The following ARHGAP26 variants were observed in gnomAD, a reference collection of about 807,000 sequenced individuals.
The protein encoded by ARHGAP26 is rho GTPase-activating protein 26.
A neutral mutation model predicts 104.8 loss-of-function variants in ARHGAP26; 38 were observed. The observed-to-expected ratio is 0.36, with a 90% CI of 0.28 to 0.48. The LOEUF (loss-of-function observed/expected upper bound fraction) is 0.48. Among genes scored for constraint, ARHGAP26 ranks in the 20% least tolerant of loss-of-function variants. ARHGAP26 has a pLI of 0.99. For missense variants in ARHGAP26, 704 were observed against 947.9 expected (o/e 0.74, Z 3.38); for synonymous variants, 341 against 340.0 (o/e 1.00, Z -0.03).
intron 6 of ARHGAP26, among the ~76,000 whole-genome samples, chr5:142,899,642 G>C (rs1487933752): frequency 6.6e-6 from 1 of 152,038 alleles, no homozygotes; most frequent in African/African-American, 2.4e-5. Context: ...AGTCCCGTGG[G>C]CTTCATCCTG....
intron 14 of ARHGAP26, among the ~76,000 whole-genome samples, chr5:143,050,458 C>T (rs1191401226): frequency 6.6e-6 from 1 of 152,132 alleles, no homozygotes; most frequent in Non-Finnish European, 1.5e-5. Flanking sequence ...CATGCTTCAC[C>T]CACTTACCGC....
chr5:142,907,957 A>G (rs1173393565), intron 9 of ARHGAP26, among the ~76,000 whole-genome samples, 153 bp downstream of exon 9: 2 of 152,140 alleles, frequency 1.3e-5, no homozygotes, highest in Non-Finnish European at 2.9e-5. Flanking sequence ...GTAGTTCAGG[A>G]AGCCTAAGAG....
At chr5:143,156,343 G>A (rs1304165185) in intron 20 of ARHGAP26, among the ~76,000 whole-genome samples, 1 of 152,172 alleles carries the variant, frequency 6.6e-6, no homozygotes, top group African/African-American at 2.4e-5. Flanking sequence ...TTAGGGATCT[G>A]GAAAGCCAGG....
intron 12 of ARHGAP26, among the ~76,000 whole-genome samples, chr5:143,015,428 G>A (rs527859844): frequency 2.6e-5 from 4 of 152,330 alleles, no homozygotes; most frequent in Non-Finnish European, 5.9e-5. Context: ...GGGTCTTCTG[G>A]ATAATACGAC....
At chr5:143,049,746 G>A (rs1361291866) in intron 14 of ARHGAP26, among the ~76,000 whole-genome samples, 1 of 152,094 alleles carries the variant, frequency 6.6e-6, no homozygotes, top group Non-Finnish European at 1.5e-5. Flanking sequence ...CCAACTTTCT[G>A]GTATTCTTAA....
At chr5:142,846,455 G>A (rs1232005953) in intron 1 of ARHGAP26, among the ~76,000 whole-genome samples, 5 of 152,166 alleles carry the variant, frequency 3.3e-5, no homozygotes, top group African/African-American at 1.2e-4. Context: ...TCTTTTTGAG[G>A]ATTAGTCTGT....
At position 143,014,703 on chromosome 5, in the gene ARHGAP26, G is replaced by GT. The variant is rs201100305; in HGVS notation, c.1144+587_1144+588insT. On this transcript the variant is annotated intron_variant, in intron 12 of 22. Transcript: ENST00000645722. ...CCCTGCTGCTGCCTGTAAGCACTCT[G>GT]GTTAATCATGATTTCCAAGGGTACC... Among the ~76,000 whole-genome samples the GT allele has an allele frequency of 1.2e-4, 19 of 152,240 alleles. No homozygotes were observed. The East Asian group carries it at 3.5e-3, about 28-fold the overall frequency.
At chr5:143,031,506 G>A (rs755356008) in intron 12 of ARHGAP26, among the ~76,000 whole-genome samples, 7 of 151,922 alleles carry the variant, frequency 4.6e-5, no homozygotes, top group Non-Finnish European at 7.4e-5. Context: ...TGGAATGGGA[G>A]GTAAGAAGTG....
chr5:143,096,203 G>C (rs956682976), intron 17 of ARHGAP26, among the ~76,000 whole-genome samples: 4 of 152,134 alleles, frequency 2.6e-5, no homozygotes, highest in Admixed American at 6.5e-5. Flanking sequence ...GCGTTATGCA[G>C]ATCTTCCAAT....
intron 4 of ARHGAP26, among the ~76,000 whole-genome samples, chr5:142,884,208 A>T (rs1215490244): frequency 1.3e-5 from 2 of 152,184 alleles, no homozygotes; most frequent in African/African-American, 2.4e-5. Context: ...TGCCTGTGAC[A>T]ATCTGTCTCA....
At chr5:142,864,908 C>T (rs1463430061) in intron 1 of ARHGAP26, among the ~76,000 whole-genome samples, 1 of 152,238 alleles carries the variant, frequency 6.6e-6, no homozygotes, top group African/African-American at 2.4e-5. Flanking sequence ...GCGCGTCATA[C>T]GCCTCTGAAT....
intron 17 of ARHGAP26, among the ~76,000 whole-genome samples, chr5:143,111,201 T>G (rs992260630): frequency 6.6e-6 from 1 of 152,178 alleles, no homozygotes; most frequent in African/African-American, 2.4e-5. Flanking sequence ...CTTGTAAAAA[T>G]AATCAGGTTC....
chr5:142,907,764 T>C lies in ARHGAP26; in HGVS notation c.893T>C (p.Ile298Thr). The change falls in exon 9 of 23, where the codon ATC becomes ACC. Residue 298 changes from isoleucine to threonine, a missense_variant. This residue lies in a region of ARHGAP26 where 287 missense variants were observed against 438.8 expected (regional missense o/e 0.65). Coordinates refer to ENST00000645722, the MANE Select transcript of ARHGAP26 (RefSeq NM_001135608.3). ...YCTYQRDSKQ[I>T]TMVPFDQKSG... Reference sequence around the variant, plus strand: ...ACATATCAACGGGATTCCAAACAAATCACCATGGTACCATTTGACCAAAAG... The same window carrying C: ...ACATATCAACGGGATTCCAAACAAACCACCATGGTACCATTTGACCAAAAG... 1 of 1,612,648 alleles carries C rather than the reference T, an allele frequency of 6.2e-7. No individual in the cohort carries two copies. Among genetic ancestry groups the C allele is most frequent in the Non-Finnish European group, 8.5e-7 (1 of 1,179,034 alleles).
intron 20 of ARHGAP26, chr5:143,202,511 T>C (rs1359732001): frequency 6.6e-6 from 1 of 152,124 alleles, no homozygotes; most frequent in East Asian, 1.9e-4. Flanking sequence ...CCAAAGTAAT[T>C]GATAGATTCA....
intron 1 of ARHGAP26, among the ~76,000 whole-genome samples, chr5:142,834,909 C>CT (rs1384001326): frequency 6.6e-6 from 1 of 152,222 alleles, no homozygotes; most frequent in Non-Finnish European, 1.5e-5. Flanking sequence ...TCTACCATAT[C>CT]ACCCAAAGAG....
intron 6 of ARHGAP26, among the ~76,000 whole-genome samples, chr5:142,900,104 C>T (rs1760084325): frequency 6.6e-6 from 1 of 152,142 alleles, no homozygotes; most frequent in African/African-American, 2.4e-5. Flanking sequence ...GCAGGGAGAG[C>T]AGAGTTAAGA....
chr5:143,086,588 T>G (rs1475998393), intron 17 of ARHGAP26, among the ~76,000 whole-genome samples: 1 of 152,236 alleles, frequency 6.6e-6, no homozygotes, highest in Admixed American at 6.5e-5. Flanking sequence ...TGGGTTCCTT[T>G]CACCTTGGAC....
chr5:143,224,018 A>G lies in ARHGAP26; in HGVS notation c.*1572A>G, dbSNP rs1179199942. On this transcript the variant is annotated 3_prime_UTR_variant, in exon 23 of 23. Transcript: ENST00000645722. ...GCCCCTTGGATGGCAGCGTTGCTTC[A>G]GAGTGTTTCCTGTTTCTGGAATTCC... is the stretch of plus-strand genomic sequence containing the variant. The G allele has an allele frequency of 8.6e-6, 2 of 231,670 alleles. No individual in the cohort carries two copies. The highest frequency in any genetic ancestry group is 4.4e-5 in the African/African-American group (2 of 45,246). 14.4% of individuals were successfully genotyped at this position (231,670 alleles called of 1,614,324 possible).
intron 20 of ARHGAP26, chr5:143,202,705 A>T (rs992069919): frequency 2.0e-5 from 3 of 152,258 alleles, no homozygotes; most frequent in Non-Finnish European, 4.4e-5. Flanking sequence ...CCAAAACAGC[A>T]TGGTACTGGT....
Sources: gnomAD v4.1 joint callset for allele counts (sites outside exome capture counted in the v4.1 genomes callset) on GRCh38, gnomAD v4.1.1 for gene constraint, gnomAD v4.1.1 regional missense constraint, MANE v1.5 for transcripts, NCBI Gene and HGNC (gene_info 2026-07-23, HGNC 2026-07-21) for gene names.